The following COL3A1 variants were observed in gnomAD, a reference collection of about 807,000 sequenced individuals.
COL3A1 encodes collagen alpha-1(III) chain.
In COL3A1, 46 loss-of-function variants were observed where a neutral mutation model predicts 200.9. The ratio of observed to expected loss-of-function variants is 0.23; its 90% CI spans 0.18 to 0.29. The LOEUF (loss-of-function observed/expected upper bound fraction) is 0.29. COL3A1 is among the 10% of genes least tolerant of loss of function. COL3A1 has a pLI of 1.00. For missense variants in COL3A1, 1,367 were observed against 1,917.6 expected (o/e 0.71, Z 5.36); for synonymous variants, 650 against 628.0 (o/e 1.03, Z -0.52).
At chr2:188,988,157 T>A (rs1229650803) in intron 6 of COL3A1, 23 bp downstream of exon 6, 1 of 1,600,680 alleles carries the variant, frequency 6.2e-7, no homozygotes. Flanking sequence ...ATTGGTGGTG[T>A]TTTCTTCCTC....
At position 189,010,862 on chromosome 2, in the gene COL3A1, C is replaced by T; in HGVS notation, c.4226C>T (p.Thr1409Ile). 1 of 1,614,124 alleles carries T rather than the reference C, an allele frequency of 6.2e-7. No homozygotes were observed. The change falls in exon 50 of 51, where the codon ACC (threonine) becomes ATC (isoleucine). Residue 1409 changes from threonine (T) to isoleucine (I), a missense_variant. Transcript: ENST00000304636. ...EFKAEGNSKF[T>I]YTVLEDGCTK... ...AAGGCTGAAGGAAATAGCAAATTCACCTACACAGTTCTGGAGGATGGTTGC... is the reference window on the plus strand; with the variant it reads ...AAGGCTGAAGGAAATAGCAAATTCATCTACACAGTTCTGGAGGATGGTTGC...
At chr2:188,998,573 T>TTTTGCTTATATTTACATA (rs1311684233) in intron 28 of COL3A1, 101 bp from the exon 29 acceptor site, 10 of 1,229,042 alleles carry the variant, frequency 8.1e-6, no homozygotes, top group East Asian at 5.0e-5. Flanking sequence ...CAAATGTGTA[T>TTTTGCTTATATTTACATA]TTTGCTTATA....
chr2:188,982,289 C>A (rs1687970028), intron 1 of COL3A1, among the ~76,000 whole-genome samples: 1 of 151,590 alleles, frequency 6.6e-6, no homozygotes, highest in South Asian at 2.1e-4. Context: ...TATAACATTG[C>A]ATTTGACCCA....
intron 13 of COL3A1, among the ~76,000 whole-genome samples, 164 bp from the exon 14 acceptor site, chr2:188,992,020 A>G (rs1688200732): frequency 6.6e-6 from 1 of 152,206 alleles, no homozygotes; most frequent in Non-Finnish European, 1.5e-5. Context: ...GTTGCTGTAT[A>G]TATCAGAATT....
chr2:189,000,003 T>C, intron 32 of COL3A1, 108 bp downstream of exon 32: 3 of 1,121,396 alleles, frequency 2.7e-6, no homozygotes, highest in Non-Finnish European at 4.0e-6. Context: ...AAATTAGATA[T>C]TTTACCACCT....
At position 189,002,351 on chromosome 2, in the gene COL3A1, T is replaced by G. The variant is rs199727625; in HGVS notation, c.2445T>G (p.Pro815=). 249 of 1,613,556 alleles carry G rather than the reference T, an allele frequency of 1.5e-4. 3 individuals carry two copies. The Admixed American group carries it at 4.0e-3, about 26-fold the overall frequency. The part of the protein sequence containing the change: ...PPGPAGFPGA[P]GQNGEPGGKG... The stretch of plus-strand genomic sequence containing the variant: ...GACCTGCTGGTTTCCCTGGTGCTCC[T>G]GTAAGTGTGAATATTTATACATACA... The change falls in exon 35 of 51, where the codon CCT becomes CCG. Residue 815 remains proline (P), a splice_region_variant and synonymous_variant. Transcript: ENST00000304636.
chr2:189,011,215 T>A (rs1283925795), intron 50 of COL3A1, among the ~76,000 whole-genome samples: 2 of 152,246 alleles, frequency 1.3e-5, no homozygotes, highest in Non-Finnish European at 1.5e-5. Flanking sequence ...ATCTGTTTTT[T>A]AAAATTTTAA....
At chr2:188,975,231 C>T (rs571370241) in intron 1 of COL3A1, among the ~76,000 whole-genome samples, 6 of 152,212 alleles carry the variant, frequency 3.9e-5, no homozygotes, top group East Asian at 1.9e-4. Context: ...ACATATTCTA[C>T]GTTTTAACCA....
intron 50 of COL3A1, 70 bp downstream of exon 50, chr2:189,010,960 T>C (rs1437411450): frequency 6.3e-7 from 1 of 1,575,364 alleles, no homozygotes; most frequent in Admixed American, 1.7e-5. Flanking sequence ...CAAATTATTT[T>C]GAATAGAATA....
chr2:188,984,858 G>A lies in COL3A1; in HGVS notation c.178G>A (p.Val60Ile), dbSNP rs762028131. Residue 60 changes from valine to isoleucine, a missense_variant, in exon 2 of 51, where the codon GTT becomes ATT. Around this residue, in one of 5 missense-constraint regions of COL3A1, gnomAD observed 462 missense variants for 681.4 expected, o/e 0.68. Transcript: ENST00000304636. ...AATATGTGTCTGTGACTCAGGATCC[G>A]TTCTCTGCGATGACATAATATGTGA... ...CQICVCDSGSVLCDDIICDDQ... is the reference protein window; with the variant it reads ...CQICVCDSGSILCDDIICDDQ... The A allele has an allele frequency of 3.2e-5, 52 of 1,613,026 alleles. No individual in the cohort carries two copies. The highest frequency in any genetic ancestry group is 1.6e-4 in the Middle Eastern group (1 of 6,078).
intron 16 of COL3A1, 100 bp from the exon 17 acceptor site, chr2:188,993,938 A>T: frequency 3.6e-6 from 4 of 1,115,722 alleles, no homozygotes. Flanking sequence ...TCTACAAAGC[A>T]TAACACTCAT....
At position 188,994,013 on chromosome 2, in the gene COL3A1, C is replaced by T; in HGVS notation, c.1150-25C>T. Reference sequence around the variant, plus strand: ...CGAACTATTTGCATTACTATTAATACATTATCTGTTTTTTGTATACTTAGG... The same window carrying T: ...CGAACTATTTGCATTACTATTAATATATTATCTGTTTTTTGTATACTTAGG... On this transcript the variant is annotated intron_variant, in intron 16 of 50. Coordinates refer to ENST00000304636, the MANE Select transcript of COL3A1 (RefSeq NM_000090.4). This position sits in a 1 kb window ranked among gnomAD's most constrained non-coding sequence, Gnocchi z 4.5. The T allele has an allele frequency of 6.2e-7, 1 of 1,607,040 alleles. No individual in the cohort carries two copies. Among genetic ancestry groups the T allele is most frequent in the Non-Finnish European group, 8.5e-7 (1 of 1,173,888 alleles).
At chr2:188,996,031 G>A (rs1014308285) in intron 22 of COL3A1, 94 bp from the exon 23 acceptor site, 5 of 1,270,002 alleles carry the variant, frequency 3.9e-6, no homozygotes, top group African/African-American at 3.0e-5. Flanking sequence ...GGCTTCACAT[G>A]TAAGTGAAAA....
At chr2:188,992,818 T>C (rs1017508334) in intron 14 of COL3A1, 69 bp from the exon 15 acceptor site, 1 of 1,224,024 alleles carries the variant, frequency 8.2e-7, no homozygotes. Flanking sequence ...ATGTGCTCAC[T>C]TATTTACTAG....
At chr2:188,983,492 C>T (rs925493718) in intron 1 of COL3A1, among the ~76,000 whole-genome samples, 25 of 151,748 alleles carry the variant, frequency 1.6e-4, no homozygotes, top group Admixed American at 4.0e-4. Context: ...AAACACAAAC[C>T]TAAATTATTA....
In COL3A1 at chr2:189,012,307, A is replaced by G. The variant is rs1688745679; in HGVS notation, c.*533A>G. Reference sequence around the variant, plus strand: ...TCCTGGAAGATTGGTTTAAAAAGAAAAGTGTAATGCAAGAATTTAAAGAAA... The same window carrying G: ...TCCTGGAAGATTGGTTTAAAAAGAAGAGTGTAATGCAAGAATTTAAAGAAA... On this transcript the variant is annotated 3_prime_UTR_variant, in exon 51 of 51. Coordinates refer to ENST00000304636, the MANE Select transcript of COL3A1 (RefSeq NM_000090.4). 1 of 152,870 alleles carries G rather than the reference A, an allele frequency of 6.5e-6. No homozygotes were observed. 9.5% of individuals were successfully genotyped at this position (152,870 alleles called of 1,614,324 possible). A position where few individuals can be genotyped will look rare whatever the true frequency, so the allele number is the denominator to read the frequency against.
At chr2:188,975,311 G>A (rs1036949196) in intron 1 of COL3A1, among the ~76,000 whole-genome samples, 1 of 152,124 alleles carries the variant, frequency 6.6e-6, no homozygotes, top group East Asian at 1.9e-4. Context: ...TGCAAACAAG[G>A]TAAAGATACT....
At chr2:188,994,000 A>G in intron 16 of COL3A1, 38 bp from the exon 17 acceptor site, 1 of 1,588,760 alleles carries the variant, frequency 6.3e-7, no homozygotes, top group South Asian at 1.1e-5. Context: ...AACTATTTGC[A>G]TTACTATTAA....
intron 1 of COL3A1, among the ~76,000 whole-genome samples, chr2:188,980,987 A>G (rs531287481): frequency 6.6e-6 from 1 of 151,502 alleles, no homozygotes; most frequent in African/African-American, 2.4e-5. Flanking sequence ...GAGAAAAGGA[A>G]AAAACATTCA....
Sources: allele counts gnomAD v4.1 joint callset (sites outside exome capture counted in the v4.1 genomes callset), GRCh38; gene constraint gnomAD v4.1.1; regional missense constraint gnomAD v4.1.1; non-coding constraint Gnocchi (gnomAD v3.1); transcripts MANE v1.5; gene names NCBI Gene and HGNC (gene_info 2026-07-23, HGNC 2026-07-21).